LNX1: variants seen among roughly 807,000 people sequenced by gnomAD.
The protein encoded by LNX1 is E3 ubiquitin-protein ligase LNX.
A neutral mutation model predicts 68.4 loss-of-function variants in LNX1; 54 were observed. The ratio of observed to expected loss-of-function variants is 0.79; its 90% CI spans 0.63 to 0.99. The LOEUF (loss-of-function observed/expected upper bound fraction) is 0.99, where lower values mean the gene tolerates loss of function less well. Among genes scored for constraint, LNX1 ranks in the 50% least tolerant of loss-of-function variants. The pLI, the probability that LNX1 is intolerant of heterozygous loss-of-function variation, is 0.00. For synonymous variants in LNX1, 336 were observed against 350.0 expected (o/e 0.96, Z 0.45); for missense variants, 906 against 926.4 (o/e 0.98, Z 0.29).
chr4:53,633,388 T>C (rs1472498859), intron 1 of LNX1, among the ~76,000 whole-genome samples: 1 of 152,224 alleles, frequency 6.6e-6, no homozygotes, highest in Non-Finnish European at 1.5e-5. Flanking sequence ...TATATCTTCC[T>C]CATATTATTG....
chr4:53,632,278 C>T (rs1432947477), intron 1 of LNX1, among the ~76,000 whole-genome samples: 1 of 152,126 alleles, frequency 6.6e-6, no homozygotes, highest in African/African-American at 2.4e-5. Flanking sequence ...CCCATCCTCC[C>T]TTTTCTCTCA....
Position 53,508,124 on chromosome 4 carries a change from G to T in LNX1, c.484C>A (p.Pro162Thr), listed in dbSNP as rs778541775. Residue 162 changes from proline (P) to threonine (T), a missense_variant, in exon 3 of 11, where the codon CCA becomes ACA. By Grantham distance (38) the Pro-to-Thr change is conservative. Transcript: ENST00000263925. ...ATGGTGGCAGCTGCAGAAACCTCTG[G>T]GGAGGGAGCCGTGGCTGTGAGGCTC... Reference protein sequence around the residue: ...CASLTATAPSPEVSAAATISL... With the variant: ...CASLTATAPSTEVSAAATISL... 1 of 1,614,052 alleles carries T rather than the reference G, an allele frequency of 6.2e-7. No homozygotes were observed. Among genetic ancestry groups the T allele is most frequent in the African/African-American group, 1.3e-5 (1 of 74,928 alleles).
At chr4:53,540,532 A>G (rs1417116840) in intron 2 of LNX1, among the ~76,000 whole-genome samples, 2 of 151,856 alleles carry the variant, frequency 1.3e-5, no homozygotes, top group Non-Finnish European at 2.9e-5. Context: ...AATACAAAAA[A>G]TTAGCTGGGC....
intron 9 of LNX1, among the ~76,000 whole-genome samples, chr4:53,466,480 G>A (rs1722691259): frequency 6.6e-6 from 1 of 152,204 alleles, no homozygotes; most frequent in South Asian, 2.1e-4. Flanking sequence ...ACTAGGGAGT[G>A]CCAGACGGTG....
Position 53,460,978 on chromosome 4 carries a change from C to A in LNX1, c.2116G>T (p.Ala706Ser). ...CCTTTAAGTTCTTTCAGCAGTCTTG[C>A]CAAGCAAGCATGTATCATTCCTGAT... ...STSGMIHACLARLLKELKGRI... is the reference protein window; with the variant it reads ...STSGMIHACLSRLLKELKGRI... Residue 706 changes from alanine (A) to serine (S), a missense_variant, in exon 11 of 11, where the codon GCA (alanine) becomes TCA (serine). By Grantham distance (99) the Ala-to-Ser change is moderately conservative. Coordinates refer to ENST00000263925, the MANE Select transcript of LNX1 (RefSeq NM_001126328.3). 1 of 1,609,372 alleles carries A rather than the reference C, an allele frequency of 6.2e-7. No homozygotes were observed. Among genetic ancestry groups the A allele is most frequent in the Non-Finnish European group, 8.5e-7 (1 of 1,177,764 alleles).
intron 2 of LNX1, among the ~76,000 whole-genome samples, chr4:53,511,033 G>GA (rs1397727547): frequency 6.6e-6 from 1 of 152,162 alleles, no homozygotes; most frequent in Non-Finnish European, 1.5e-5. Flanking sequence ...TCCAGGAAAG[G>GA]AAAACCTCAT....
chr4:53,537,601 T>C (rs1728461145), intron 2 of LNX1, among the ~76,000 whole-genome samples: 1 of 152,242 alleles, frequency 6.6e-6, no homozygotes, highest in African/African-American at 2.4e-5. Flanking sequence ...TACATTAGTG[T>C]GACTTTGCAT....
chr4:53,550,896 T>C (rs1032273804), intron 2 of LNX1, among the ~76,000 whole-genome samples: 1 of 152,026 alleles, frequency 6.6e-6, no homozygotes, highest in Admixed American at 6.6e-5. Context: ...TAGATGGAAA[T>C]AGATACAGAA....
At chr4:53,642,111 A>G (rs528448838) in intron 1 of LNX1, among the ~76,000 whole-genome samples, 9 of 151,634 alleles carry the variant, frequency 5.9e-5, no homozygotes, top group Admixed American at 5.3e-4. Context: ...GATCCCAGCT[A>G]CTTGGGAGGC....
At chr4:53,637,147 CATAAGT>C (rs1734511045) in intron 1 of LNX1, among the ~76,000 whole-genome samples, 1 of 152,040 alleles carries the variant, frequency 6.6e-6, no homozygotes, top group African/African-American at 2.4e-5. Context: ...AAAAAAATCT[CATAAGT>C]ATAAGAGGAT....
intron 6 of LNX1, 98 bp from the exon 7 acceptor site, chr4:53,481,952 T>C: frequency 4.4e-6 from 6 of 1,368,764 alleles, no homozygotes; most frequent in Non-Finnish European, 5.8e-6. Context: ...ATACCATTTT[T>C]TTATGGCAAA....
At chr4:53,531,143 T>C (rs1727993411) in intron 2 of LNX1, among the ~76,000 whole-genome samples, 1 of 152,120 alleles carries the variant, frequency 6.6e-6, no homozygotes, top group Non-Finnish European at 1.5e-5. Context: ...ACTGCTTTAG[T>C]CTCATACTTT....
chr4:53,511,971 A>G (rs1277455924), intron 2 of LNX1, among the ~76,000 whole-genome samples: 1 of 152,168 alleles, frequency 6.6e-6, no homozygotes, highest in Non-Finnish European at 1.5e-5. Flanking sequence ...TGATCTCTCC[A>G]ACTTTCTGTA....
intron 2 of LNX1, among the ~76,000 whole-genome samples, chr4:53,514,015 C>G (rs1216934644): frequency 1.3e-5 from 2 of 152,210 alleles, no homozygotes; most frequent in Non-Finnish European, 2.9e-5. Flanking sequence ...TTTGCTGCTG[C>G]CCCTGCTGCC....
chr4:53,472,689 A>C (rs923200125), intron 9 of LNX1, among the ~76,000 whole-genome samples: 19 of 137,138 alleles, frequency 1.4e-4, no homozygotes, highest in East Asian at 2.1e-4. Context: ...CAACAACAAA[A>C]AAAAAAAAAA....
chr4:53,479,204 A>C (rs1233085863), intron 7 of LNX1, among the ~76,000 whole-genome samples: 4 of 152,236 alleles, frequency 2.6e-5, no homozygotes, highest in African/African-American at 9.6e-5. Flanking sequence ...GAGGAATCTT[A>C]AGCACACAGA....
At chr4:53,526,734 C>T (rs995879561) in intron 2 of LNX1, among the ~76,000 whole-genome samples, 1 of 151,858 alleles carries the variant, frequency 6.6e-6, no homozygotes. Flanking sequence ...CCTTCAGGCT[C>T]ATGGTAAAAT....
intron 6 of LNX1, among the ~76,000 whole-genome samples, chr4:53,488,097 A>C: frequency 6.6e-6 from 1 of 152,132 alleles, no homozygotes; most frequent in East Asian, 1.9e-4. Context: ...CTCATCCAAC[A>C]TTTTCTCTAT....
intron 5 of LNX1, among the ~76,000 whole-genome samples, chr4:53,498,265 T>C (rs1725212201): frequency 6.6e-6 from 1 of 152,064 alleles, no homozygotes; most frequent in Non-Finnish European, 1.5e-5. Context: ...AAAATATATG[T>C]CCCAGTTTTA....
Sources: allele counts gnomAD v4.1 joint callset (sites outside exome capture counted in the v4.1 genomes callset), GRCh38; gene constraint gnomAD v4.1.1; transcripts MANE v1.5; gene names NCBI Gene and HGNC (gene_info 2026-07-23, HGNC 2026-07-21).